The following TP73 variants were observed in gnomAD, a reference collection of about 807,000 sequenced individuals.
TP73 encodes the protein p53-like transcription factor.
In TP73, 25 loss-of-function variants were observed where a neutral mutation model predicts 62.5. That is an observed-to-expected ratio of 0.40 (90% CI 0.29 to 0.56). The LOEUF (loss-of-function observed/expected upper bound fraction) is 0.56. Among genes scored for constraint, TP73 ranks in the 20% least tolerant of loss-of-function variants. TP73 has a pLI of 0.46. For missense variants in TP73, 754 were observed against 913.3 expected (o/e 0.83, Z 2.25); for synonymous variants, 423 against 377.5 (o/e 1.12, Z -1.40).
At chr1:3,718,896 A>G (rs1335964205) in intron 4 of TP73, among the ~76,000 whole-genome samples, 1 of 151,894 alleles carries the variant, frequency 6.6e-6, no homozygotes, top group African/African-American at 2.4e-5. Context: ...ACACCTCCTC[A>G]CCTGGTGCTG....
chr1:3,669,345 C>G (rs1645190272), intron 1 of TP73, among the ~76,000 whole-genome samples: 1 of 152,214 alleles, frequency 6.6e-6, no homozygotes, highest in African/African-American at 2.4e-5. Context: ...GCCTTGCCCA[C>G]AGTTCTCCTG....
At chr1:3,671,858 G>A (rs992237833) in intron 1 of TP73, among the ~76,000 whole-genome samples, 121 of 152,274 alleles carry the variant, frequency 7.9e-4, no homozygotes, top group African/African-American at 2.7e-3. Flanking sequence ...GTGGACCCCC[G>A]TGATCGCTGC....
At chr1:3,664,002 C>A (rs796326362) in intron 1 of TP73, among the ~76,000 whole-genome samples, 31 of 152,312 alleles carry the variant, frequency 2.0e-4, no homozygotes, top group African/African-American at 6.7e-4. Context: ...ATGCCACAGG[C>A]TCTCTGGAGA....
chr1:3,659,353 C>CG (rs1055947990), intron 1 of TP73: 3 of 152,108 alleles, frequency 2.0e-5, no homozygotes, highest in African/African-American at 7.2e-5. Context: ...ACCTGGGCTT[C>CG]GTGGTAATCT....
At chr1:3,681,570 C>G (rs1438326123) in intron 1 of TP73, among the ~76,000 whole-genome samples, 2 of 152,184 alleles carry the variant, frequency 1.3e-5, no homozygotes, top group East Asian at 3.9e-4. Flanking sequence ...CAGTGGCCGG[C>G]TGCAGGACAG....
intron 4 of TP73, 89 bp from the exon 5 acceptor site, chr1:3,721,931 TG>T: frequency 7.2e-7 from 1 of 1,384,806 alleles, no homozygotes; most frequent in Non-Finnish European, 9.8e-7. Flanking sequence ...GGGGCACCCA[TG>T]GGGAGGACGT....
At chr1:3,713,748 T>C (rs1640358116) in intron 4 of TP73, among the ~76,000 whole-genome samples, 1 of 152,042 alleles carries the variant, frequency 6.6e-6, no homozygotes, top group Non-Finnish European at 1.5e-5. Flanking sequence ...GTGTCCCGGC[T>C]GGAAAGAAAA....
At chr1:3,728,075 G>A in intron 8 of TP73, 54 bp from the exon 9 acceptor site, 1 of 1,528,822 alleles carries the variant, frequency 6.5e-7, no homozygotes, top group Non-Finnish European at 8.9e-7. Flanking sequence ...CCGGAAGGAG[G>A]CCTCACCCTC....
At chr1:3,713,392 G>T (rs977650006) in intron 4 of TP73, among the ~76,000 whole-genome samples, 1 of 152,202 alleles carries the variant, frequency 6.6e-6, no homozygotes, top group African/African-American at 2.4e-5. Flanking sequence ...GGAAAGAGAG[G>T]CCCACAGGGG....
At position 3,666,732 on chromosome 1, in the gene TP73, A is replaced by G. The variant is rs1645122855; in HGVS notation, c.-34+14091A>G. ...CCAGAAGCCCTTCAGCTCGGAAGTG[A>G]GTAAGCATTGGCGGTGGGGATGGTG... On this transcript the variant is annotated intron_variant, in intron 1 of 13. Transcript: ENST00000378295. This position sits in a 1 kb window ranked among gnomAD's most constrained non-coding sequence, Gnocchi z 6.4. 6.6e-6 allele frequency among the ~76,000 whole-genome samples: 1 copy of G among 152,180 alleles called. No individual in the cohort carries two copies. The highest frequency in any genetic ancestry group is 2.4e-5 in the African/African-American group (1 of 41,444).
chr1:3,719,978 C>T (rs573754981), intron 4 of TP73, among the ~76,000 whole-genome samples: 15 of 149,592 alleles, frequency 1.0e-4, no homozygotes, highest in Admixed American at 8.7e-4. Flanking sequence ...TGCAATGGTG[C>T]GATCTCGGCT....
chr1:3,712,516 T>A (rs1326937937), intron 4 of TP73: 1 of 152,264 alleles, frequency 6.6e-6, no homozygotes, highest in Non-Finnish European at 1.5e-5. Flanking sequence ...TGGGTCCTGC[T>A]GCCCCACCCC....
At chr1:3,703,627 G>C (rs1258072050) in intron 3 of TP73, among the ~76,000 whole-genome samples, 3 of 152,274 alleles carry the variant, frequency 2.0e-5, no homozygotes, top group Non-Finnish European at 2.9e-5. Context: ...CAAGAATGTG[G>C]ACAAGTTAAA....
Position 3,672,332 on chromosome 1 carries a change from TG to T in TP73, c.-33-9998del, listed in dbSNP as rs1645259741. On this transcript the variant is annotated intron_variant, in intron 1 of 13. Coordinates refer to ENST00000378295, the MANE Select transcript of TP73 (RefSeq NM_005427.4). The surrounding 1 kb of genome is among the most constrained non-coding windows in gnomAD (Gnocchi z 5.3). Reference sequence around the variant, plus strand: ...GAGGACAGCACAGGCACTTCCAACATGGGCGCTGGCCGCACAAAGGCTAGTG... The same window carrying T: ...GAGGACAGCACAGGCACTTCCAACATGGCGCTGGCCGCACAAAGGCTAGTG... Among the ~76,000 whole-genome samples, 1 of 152,082 alleles carries T rather than the reference TG, an allele frequency of 6.6e-6. No homozygotes were observed. The highest frequency in any genetic ancestry group is 6.5e-5 in the Admixed American group (1 of 15,272).
chr1:3,679,833 TTGTCCTTGTATCTCTC>T (rs1436293065), intron 1 of TP73, among the ~76,000 whole-genome samples: 3 of 98,128 alleles, frequency 3.1e-5, no homozygotes, highest in Non-Finnish European at 4.6e-5. Context: ...CTGTCTCTCT[TTGTCCTTGTATCTCTC>T]TGTCTCTCTT....
At chr1:3,684,699 CA>C (rs1230473116) in intron 3 of TP73, among the ~76,000 whole-genome samples, 2 of 152,146 alleles carry the variant, frequency 1.3e-5, no homozygotes, top group Non-Finnish European at 2.9e-5. Context: ...CCCGGGGGGT[CA>C]ATTCCTCCGA....
At chr1:3,687,422 A>G (rs1462070652) in intron 3 of TP73, among the ~76,000 whole-genome samples, 1 of 152,216 alleles carries the variant, frequency 6.6e-6, no homozygotes, top group Non-Finnish European at 1.5e-5. Flanking sequence ...GCAGGCTGCG[A>G]GGAGGCAGTG....
At chr1:3,721,811 G>A (rs899193432) in intron 4 of TP73, among the ~76,000 whole-genome samples, 1 of 152,208 alleles carries the variant, frequency 6.6e-6, no homozygotes, top group Admixed American at 6.5e-5. Flanking sequence ...CGATGGCTGT[G>A]GAGTGGGTGC....
rs1024391140 is a variant in TP73 at position 3,663,791 on chromosome 1, C to G, written c.-34+11150C>G. On this transcript the variant is annotated intron_variant, in intron 1 of 13. Transcript: ENST00000378295. The surrounding 1 kb of genome is among the most constrained non-coding windows in gnomAD (Gnocchi z 4.7). ...GCTCTGATCTTCCTTTCTTCTGGGT[C>G]TAGGGCACATGAGGGTCTGTGACCT... 2.0e-5 allele frequency among the ~76,000 whole-genome samples: 3 copies of G among 152,108 alleles called. No individual in the cohort carries two copies. Among genetic ancestry groups the G allele is most frequent in the Non-Finnish European group, 4.4e-5 (3 of 68,018 alleles).
Sources: gnomAD v4.1 joint callset for allele counts (sites outside exome capture counted in the v4.1 genomes callset) on GRCh38, gnomAD v4.1.1 for gene constraint, Gnocchi (gnomAD v3.1) non-coding constraint, MANE v1.5 for transcripts, NCBI Gene and HGNC (gene_info 2026-07-23, HGNC 2026-07-21) for gene names.